MOB1B: variants seen among roughly 807,000 people sequenced by gnomAD.
The protein encoded by MOB1B is MOB1 Mps One Binder homolog B.
Under a neutral mutation model 24.4 loss-of-function variants are expected in MOB1B, and 19 were observed. That is an observed-to-expected ratio of 0.78 (90% confidence interval 0.54 to 1.14). MOB1B has a LOEUF of 1.14. Among genes scored for constraint, MOB1B ranks in the 50% most tolerant of loss-of-function variants. MOB1B has a pLI of 0.00. For missense variants in MOB1B, 243 were observed against 259.6 expected (o/e 0.94, Z 0.44); for synonymous variants, 76 against 82.1 (o/e 0.93, Z 0.40).
chr4:70,928,249 T>C (rs1257019907), intron 1 of MOB1B, among the ~76,000 whole-genome samples: 2 of 152,184 alleles, frequency 1.3e-5, no homozygotes, highest in Non-Finnish European at 2.9e-5. Flanking sequence ...ATAGTGCCTC[T>C]TAGTAACAAT....
At chr4:70,906,230 T>A (rs1037444796) in intron 1 of MOB1B, among the ~76,000 whole-genome samples, 1 of 152,004 alleles carries the variant, frequency 6.6e-6, no homozygotes. Flanking sequence ...TAAAAAAAAT[T>A]AGCCGGGCGT....
chr4:70,902,158 C>T (rs1181131066), upstream of MOB1B, among the ~76,000 whole-genome samples: 4 of 152,174 alleles, frequency 2.6e-5, no homozygotes, highest in Non-Finnish European at 5.9e-5. Context: ...GGGCGTCGTC[C>T]CTAGCAGCAG....
At chr4:70,913,574 C>T (rs148514100) in intron 1 of MOB1B, among the ~76,000 whole-genome samples, 81 of 151,886 alleles carry the variant, frequency 5.3e-4, no homozygotes, top group African/African-American at 1.5e-3. Flanking sequence ...TCTAGGTGTG[C>T]GCCACCGTGC....
At chr4:70,920,309 T>A (rs984661230) in intron 1 of MOB1B, among the ~76,000 whole-genome samples, 2 of 152,154 alleles carry the variant, frequency 1.3e-5, no homozygotes, top group African/African-American at 4.8e-5. Flanking sequence ...TCACTGCACC[T>A]CTGCCTCCTG....
chr4:70,975,797 T>C, intron 4 of MOB1B: 1 of 941,812 alleles, frequency 1.1e-6, no homozygotes, highest in Non-Finnish European at 1.3e-6. Flanking sequence ...ACATAACATA[T>C]ATTTTTAATC....
chr4:70,975,631 A>T, intron 4 of MOB1B: 1 of 951,616 alleles, frequency 1.1e-6, no homozygotes. Flanking sequence ...TTATTTTCAG[A>T]CAATGATAGC....
At chr4:70,942,088 A>C (rs1369281306) in intron 1 of MOB1B, among the ~76,000 whole-genome samples, 1 of 152,148 alleles carries the variant, frequency 6.6e-6, no homozygotes, top group Admixed American at 6.6e-5. Flanking sequence ...AATGTCTTTG[A>C]CCTTAATTAC....
Position 70,982,040 on chromosome 4 carries a change from A to G in MOB1B, c.634A>G (p.Thr212Ala). Residue 212 changes from threonine to alanine, a missense_variant, in exon 6 of 6, where the codon ACC becomes GCC. Physicochemically the swap from Thr to Ala is moderately conservative, Grantham distance 58. Transcript: ENST00000309395. ...APLQELIEKL[T>A]SKDR is the part of the protein sequence containing the mutation. The stretch of plus-strand genomic sequence containing the variant: ...ACTCCAAGAACTGATTGAAAAACTC[A>G]CCTCAAAAGACAGATAAAAGGATGC... The G allele has an allele frequency of 6.2e-7, 1 of 1,611,342 alleles. No homozygotes were observed. Among genetic ancestry groups the G allele is most frequent in the Non-Finnish European group, 8.5e-7 (1 of 1,177,804 alleles).
chr4:70,920,899 C>T (rs1736411181), intron 1 of MOB1B, among the ~76,000 whole-genome samples: 1 of 152,208 alleles, frequency 6.6e-6, no homozygotes, highest in Non-Finnish European at 1.5e-5. Flanking sequence ...AGCTGGTGTG[C>T]TCCATTAATC....
chr4:70,916,851 G>A (rs1736216353), intron 1 of MOB1B, among the ~76,000 whole-genome samples: 1 of 152,226 alleles, frequency 6.6e-6, no homozygotes, highest in South Asian at 2.1e-4. Context: ...TTACAGGCAT[G>A]AGCCACTGCG....
intron 2 of MOB1B, among the ~76,000 whole-genome samples, 177 bp from the exon 3 acceptor site, chr4:70,969,754 G>T (rs1009917040): frequency 7.2e-5 from 11 of 152,118 alleles, no homozygotes; most frequent in Non-Finnish European, 1.3e-4. Flanking sequence ...GCTCTCAAGG[G>T]AGTCGTTTGA....
intron 2 of MOB1B, among the ~76,000 whole-genome samples, chr4:70,966,308 G>A (rs1738528115): frequency 6.6e-6 from 1 of 152,020 alleles, no homozygotes; most frequent in African/African-American, 2.4e-5. Flanking sequence ...GCTTTGGGAG[G>A]CCAAGGTGGA....
At chr4:70,927,077 G>A (rs1452935066) in intron 1 of MOB1B, among the ~76,000 whole-genome samples, 1 of 151,806 alleles carries the variant, frequency 6.6e-6, no homozygotes. Context: ...GTGTTACATA[G>A]ATGTGCTCCT....
At position 70,902,528 on chromosome 4, in the gene MOB1B, G is replaced by C. The variant is rs911900611; in HGVS notation, c.-9G>C. 5 of 1,564,354 alleles carry C rather than the reference G, an allele frequency of 3.2e-6. No individual in the cohort carries two copies. The African/African-American group carries it at 5.4e-5, about 17-fold the overall frequency. ...GACCGCCGAGCCTGCAGCCTGCCCCGCGGCCAACATGAGCTTCTTGTTGTG... is the reference window on the plus strand; with the variant it reads ...GACCGCCGAGCCTGCAGCCTGCCCCCCGGCCAACATGAGCTTCTTGTTGTG... On this transcript the variant is annotated 5_prime_UTR_variant, in exon 1 of 6. Coordinates refer to ENST00000309395, the MANE Select transcript of MOB1B (RefSeq NM_173468.4).
intron 4 of MOB1B, among the ~76,000 whole-genome samples, chr4:70,977,974 C>A (rs1739066375): frequency 6.6e-6 from 1 of 152,186 alleles, no homozygotes; most frequent in African/African-American, 2.4e-5. Flanking sequence ...AGGTGTGAGT[C>A]ACTGCCCAGC....
chr4:70,981,816 A>G (rs1376764589), intron 5 of MOB1B, among the ~76,000 whole-genome samples, 164 bp from the exon 6 acceptor site: 3 of 152,218 alleles, frequency 2.0e-5, no homozygotes, highest in Non-Finnish European at 4.4e-5. Context: ...AGGAGTGCTT[A>G]AGTGATTTAC....
At position 70,965,741 on chromosome 4, in the gene MOB1B, G is replaced by T. The variant is rs148319181; in HGVS notation, c.182-4190G>T. Reference sequence around the variant, plus strand: ...GAGCCCGGGAGGCAGAGTTTGCAGCGAGCCGAGATCACGCCACTGCACTCC... The same window carrying T: ...GAGCCCGGGAGGCAGAGTTTGCAGCTAGCCGAGATCACGCCACTGCACTCC... On this transcript the variant is annotated intron_variant, in intron 2 of 5. Transcript: ENST00000309395. Among the ~76,000 whole-genome samples the T allele has an allele frequency of 5.2e-3, 721 of 139,356 alleles. 3 individuals are homozygous for T. Among genetic ancestry groups the T allele is most frequent in the African/African-American group, 0.019 (688 of 37,182 alleles). The allele number at this position is 139,356 out of a possible 152,430, so 91.4% of individuals were successfully genotyped here.
intron 2 of MOB1B, among the ~76,000 whole-genome samples, chr4:70,967,391 C>T (rs2148898426): frequency 6.6e-6 from 1 of 152,294 alleles, no homozygotes; most frequent in Non-Finnish European, 1.5e-5. Flanking sequence ...ACCTCAGCCT[C>T]CCAAAGTACT....
chr4:70,968,022 T>C (rs1336183477), intron 2 of MOB1B, among the ~76,000 whole-genome samples: 1 of 151,756 alleles, frequency 6.6e-6, no homozygotes, highest in Non-Finnish European at 1.5e-5. Context: ...TATTATTTAA[T>C]TTTTTGTAGT....
Sources: gnomAD v4.1 joint callset for allele counts (sites outside exome capture counted in the v4.1 genomes callset) on GRCh38, gnomAD v4.1.1 for gene constraint, MANE v1.5 for transcripts, NCBI Gene and HGNC (gene_info 2026-07-23, HGNC 2026-07-21) for gene names.